The following GRIK4 variants were observed in gnomAD, a reference collection of about 807,000 sequenced individuals.
GRIK4 encodes glutamate ionotropic receptor kainate type subunit 4, also known as glutamate receptor ionotropic, kainate 4.
In GRIK4, 40 loss-of-function variants were observed where a neutral mutation model predicts 104.9. That is an observed-to-expected ratio of 0.38 (90% CI 0.30 to 0.50). GRIK4 has a LOEUF of 0.50. Ranked by LOEUF, GRIK4 falls within the 20% of genes least tolerant of loss-of-function variation. GRIK4 has a pLI of 0.93. For missense variants in GRIK4, 1,047 were observed against 1,308.1 expected, an observed-to-expected ratio of 0.80 and a Z score of 3.08; for synonymous variants, 485 against 524.9, an observed-to-expected ratio of 0.92 and a Z score of 1.04.
chr11:120,954,211 G>A (rs1435682361), intron 15 of GRIK4, among the ~76,000 whole-genome samples: 1 of 152,134 alleles, frequency 6.6e-6, no homozygotes, highest in African/African-American at 2.4e-5. Flanking sequence ...CTCTTCTAGT[G>A]GAGACCAAGG....
chr11:120,696,488 G>A (rs1166404322), intron 3 of GRIK4, among the ~76,000 whole-genome samples: 3 of 130,738 alleles, frequency 2.3e-5, no homozygotes, highest in Non-Finnish European at 3.2e-5. Flanking sequence ...CAGTGGGGGG[G>A]CATGTGGTAG....
At chr11:120,590,982 G>GA (rs923257769) in intron 1 of GRIK4, among the ~76,000 whole-genome samples, 13 of 152,092 alleles carry the variant, frequency 8.5e-5, no homozygotes, top group African/African-American at 4.8e-5. Context: ...ACTCCCAAAT[G>GA]ATGATGGTCA....
At chr11:120,756,494 G>A (rs1951653850) in intron 3 of GRIK4, among the ~76,000 whole-genome samples, 1 of 152,196 alleles carries the variant, frequency 6.6e-6, no homozygotes. Context: ...TCTTGTTTGT[G>A]GTTGTTCTTT....
chr11:120,820,987 G>A (rs988680043), intron 6 of GRIK4, among the ~76,000 whole-genome samples: 1 of 152,236 alleles, frequency 6.6e-6, no homozygotes, highest in Admixed American at 6.5e-5. Context: ...CACCCAGTGG[G>A]TTTGGAGGTG....
chr11:120,928,814 C>A (rs547148922), intron 13 of GRIK4, among the ~76,000 whole-genome samples: 1 of 152,310 alleles, frequency 6.6e-6, no homozygotes, highest in South Asian at 2.1e-4. Context: ...CCAGGGAGCA[C>A]TTGGACCTGC....
chr11:120,519,200 T>A (rs895971568), intron 1 of GRIK4, among the ~76,000 whole-genome samples: 4 of 152,232 alleles, frequency 2.6e-5, no homozygotes, highest in Admixed American at 6.5e-5. Flanking sequence ...TCAATGCTTA[T>A]TATGTGCCAA....
At chr11:120,552,298 G>A (rs1948147887) in intron 1 of GRIK4, among the ~76,000 whole-genome samples, 1 of 152,150 alleles carries the variant, frequency 6.6e-6, no homozygotes, top group Admixed American at 6.5e-5. Context: ...GCTTGATGGT[G>A]GGGAGAACCC....
intron 3 of GRIK4, among the ~76,000 whole-genome samples, chr11:120,702,606 A>G (rs1421083804): frequency 6.6e-6 from 1 of 152,146 alleles, no homozygotes; most frequent in Non-Finnish European, 1.5e-5. Flanking sequence ...ATAGAGGAGG[A>G]TGAGAAGCAG....
At chr11:120,719,409 G>A (rs1591832710) in intron 3 of GRIK4, among the ~76,000 whole-genome samples, 1 of 152,128 alleles carries the variant, frequency 6.6e-6, no homozygotes, top group African/African-American at 2.4e-5. Flanking sequence ...AGAGTGAGAC[G>A]GATCTAGATT....
intron 1 of GRIK4, among the ~76,000 whole-genome samples, chr11:120,580,695 G>A (rs568123206): frequency 1.9e-4 from 29 of 152,042 alleles, no homozygotes; most frequent in African/African-American, 6.5e-4. Flanking sequence ...CAGCCTCCCC[G>A]GTAGCTGGGA....
At chr11:120,654,176 G>A (rs1218861234) in intron 2 of GRIK4, among the ~76,000 whole-genome samples, 4 of 152,100 alleles carry the variant, frequency 2.6e-5, no homozygotes, top group South Asian at 2.1e-4. Flanking sequence ...CAGGGGCCTG[G>A]GATTTGTGAT....
At position 120,701,697 on chromosome 11, in the gene GRIK4, T is replaced by C. The variant is rs536829739; in HGVS notation, c.82+41297T>C. ...TTAATTTCTTTAGGAACCTCCATAT[T>C]GTTTTCTGACTTAGATTTTAAAGGG... On this transcript the variant is annotated intron_variant, in intron 3 of 20. Coordinates refer to ENST00000527524, the MANE Select transcript of GRIK4 (RefSeq NM_014619.5). Among the ~76,000 whole-genome samples, 18 of 152,316 alleles carry C rather than the reference T, an allele frequency of 1.2e-4. No homozygotes were observed. In the East Asian group the frequency reaches 3.5e-3, roughly 29 times the overall value.
intron 11 of GRIK4, among the ~76,000 whole-genome samples, chr11:120,897,676 A>G (rs1014420092): frequency 6.6e-6 from 1 of 151,272 alleles, no homozygotes; most frequent in African/African-American, 2.4e-5. Context: ...TAAAAACAAA[A>G]TAAAGGAAAC....
intron 8 of GRIK4, among the ~76,000 whole-genome samples, chr11:120,839,108 A>T (rs1484842925): frequency 1.3e-5 from 2 of 152,178 alleles, no homozygotes; most frequent in Non-Finnish European, 2.9e-5. Context: ...TTTGGGCCAT[A>T]GAGGGAGGGG....
intron 3 of GRIK4, among the ~76,000 whole-genome samples, chr11:120,755,448 A>G (rs1042382219): frequency 1.3e-5 from 2 of 152,062 alleles, no homozygotes; most frequent in Admixed American, 6.6e-5. Flanking sequence ...TCTACAAAAA[A>G]TTTGAAGAAA....
At chr11:120,545,826 C>G (rs180713202) in intron 1 of GRIK4, among the ~76,000 whole-genome samples, 16 of 152,342 alleles carry the variant, frequency 1.1e-4, no homozygotes, top group African/African-American at 3.4e-4. Flanking sequence ...CGTTCTTTAA[C>G]TCAGGCTTGA....
chr11:120,563,117 A>G (rs1283198327), intron 1 of GRIK4, among the ~76,000 whole-genome samples: 2 of 152,208 alleles, frequency 1.3e-5, no homozygotes, highest in African/African-American at 4.8e-5. Context: ...CCCGGGAATC[A>G]GCTCCCTTCT....
At chr11:120,862,971 T>C (rs1170949973) in intron 9 of GRIK4, among the ~76,000 whole-genome samples, 1 of 152,208 alleles carries the variant, frequency 6.6e-6, no homozygotes, top group African/African-American at 2.4e-5. Flanking sequence ...TCACAGATGA[T>C]AAAACCGAAG....
intron 1 of GRIK4, among the ~76,000 whole-genome samples, chr11:120,542,811 G>T (rs1455040212): frequency 6.6e-6 from 1 of 152,272 alleles, no homozygotes; most frequent in East Asian, 1.9e-4. Context: ...AAATACTGGT[G>T]AGGATGTGGA....
Sources: allele counts gnomAD v4.1 joint callset (sites outside exome capture counted in the v4.1 genomes callset), GRCh38; gene constraint gnomAD v4.1.1; transcripts MANE v1.5; gene names NCBI Gene and HGNC (gene_info 2026-07-23, HGNC 2026-07-21).